The following C1QTNF3 variants were observed in gnomAD, a reference collection of about 807,000 sequenced individuals.
C1QTNF3 encodes the protein C1q and TNF related 3.
Under a neutral mutation model 32.6 loss-of-function variants are expected in C1QTNF3, and 26 were observed. The observed-to-expected ratio is 0.80, with a 90% CI of 0.58 to 1.11. The LOEUF is 1.11. Ranked by LOEUF, C1QTNF3 falls within the 50% of genes least tolerant of loss-of-function variation. The probability of loss-of-function intolerance (pLI) is 0.00; values close to 1 mark genes in which losing one functional copy is unlikely to be tolerated. For missense variants in C1QTNF3, 362 were observed against 398.2 expected, an observed-to-expected ratio of 0.91 and a Z score of 0.77; for synonymous variants, 155 against 146.0, an observed-to-expected ratio of 1.06 and a Z score of -0.44.
At chr5:34,143,072 A>G in the C1QTNF3 span, among the ~76,000 whole-genome samples, 1 of 152,222 alleles carries the variant, frequency 6.6e-6, no homozygotes, top group Non-Finnish European at 1.5e-5. Flanking sequence ...AAGATTAGTA[A>G]CTTTTTAAAG....
intron 1 of C1QTNF3, among the ~76,000 whole-genome samples, chr5:34,039,922 G>T (rs955944871): frequency 6.6e-6 from 1 of 152,202 alleles, no homozygotes; most frequent in African/African-American, 2.4e-5. Flanking sequence ...AGGGCACTTT[G>T]AGGGCACAGA....
the C1QTNF3 span, among the ~76,000 whole-genome samples, chr5:34,111,782 T>G: frequency 6.6e-6 from 1 of 152,242 alleles, no homozygotes; most frequent in African/African-American, 2.4e-5. Context: ...CAGCTATTAG[T>G]GTTGCCCTGG....
At chr5:34,158,887 T>A in the C1QTNF3 span, 1 of 152,074 alleles carries the variant, frequency 6.6e-6, no homozygotes, top group Non-Finnish European at 1.5e-5. Flanking sequence ...AATGTTCACC[T>A]CTTGACACTA....
At chr5:34,221,374 T>G in the C1QTNF3 span, among the ~76,000 whole-genome samples, 1 of 152,120 alleles carries the variant, frequency 6.6e-6, no homozygotes, top group Non-Finnish European at 1.5e-5. Context: ...TCATTTAATT[T>G]TATTGTGTAT....
chr5:34,137,118 C>T, the C1QTNF3 span, among the ~76,000 whole-genome samples: 1 of 148,486 alleles, frequency 6.7e-6, no homozygotes, highest in East Asian at 2.0e-4. Context: ...CCACGTTGTG[C>T]ACATGTACCC....
the C1QTNF3 span, among the ~76,000 whole-genome samples, chr5:34,052,479 GGACA>G: frequency 6.6e-6 from 1 of 152,310 alleles, no homozygotes; most frequent in Admixed American, 6.5e-5. Flanking sequence ...GCTAATGAAT[GGACA>G]GATAGATGGA....
chr5:34,083,304 A>C, the C1QTNF3 span, among the ~76,000 whole-genome samples: 1 of 151,674 alleles, frequency 6.6e-6, no homozygotes, highest in Non-Finnish European at 1.5e-5. Context: ...AAGGCGATTT[A>C]ATCCTGCCAT....
chr5:34,197,348 T>A, the C1QTNF3 span, among the ~76,000 whole-genome samples: 1 of 36,280 alleles, frequency 2.8e-5, no homozygotes. Flanking sequence ...CATGGTAAAG[T>A]ACGATACAAG....
At chr5:34,132,747 C>G in the C1QTNF3 span, among the ~76,000 whole-genome samples, 8 of 152,012 alleles carry the variant, frequency 5.3e-5, no homozygotes, top group Admixed American at 5.2e-4. Context: ...TTTGAAGAAG[C>G]AAAATTAGAG....
the C1QTNF3 span, among the ~76,000 whole-genome samples, chr5:34,098,641 A>T: frequency 2.0e-5 from 3 of 151,028 alleles, no homozygotes; most frequent in African/African-American, 7.3e-5. Context: ...AACTCTCACA[A>T]TCAGAGGAGG....
At chr5:34,061,919 T>G in the C1QTNF3 span, among the ~76,000 whole-genome samples, 16 of 152,228 alleles carry the variant, frequency 1.1e-4, no homozygotes, top group Non-Finnish European at 1.5e-4. Flanking sequence ...GGATTTCTCC[T>G]CAGAAAATGG....
At chr5:34,028,691 T>A in intron 4 of C1QTNF3, 63 bp downstream of exon 4, 1 of 1,388,268 alleles carries the variant, frequency 7.2e-7, no homozygotes, top group South Asian at 1.5e-5. Context: ...CTTTCCTTCC[T>A]TCCTTAATTG....
At chr5:34,024,086 C>A in intron 4 of C1QTNF3, 78 bp from the exon 5 acceptor site, 1 of 1,039,806 alleles carries the variant, frequency 9.6e-7, no homozygotes, top group Non-Finnish European at 1.5e-6. Flanking sequence ...GGAGATTTGC[C>A]AACTGCCTTC....
chr5:34,212,591 A>G, the C1QTNF3 span, among the ~76,000 whole-genome samples: 3 of 152,178 alleles, frequency 2.0e-5, no homozygotes, highest in South Asian at 4.2e-4. Context: ...AAAAGTTGGC[A>G]AAGGACATGA....
chr5:34,077,391 A>G, the C1QTNF3 span, among the ~76,000 whole-genome samples: 4 of 151,702 alleles, frequency 2.6e-5, no homozygotes, highest in African/African-American at 9.8e-5. Context: ...AAAACACATT[A>G]AACAACAACA....
chr5:34,047,232 G>A (rs1461602618), upstream of C1QTNF3, among the ~76,000 whole-genome samples: 1 of 152,232 alleles, frequency 6.6e-6, no homozygotes. Flanking sequence ...ACTGCATCCT[G>A]CCTGCCTTGG....
the C1QTNF3 span, among the ~76,000 whole-genome samples, chr5:34,146,546 G>C: frequency 6.6e-6 from 1 of 152,110 alleles, no homozygotes; most frequent in Admixed American, 6.5e-5. Flanking sequence ...CAACAAGGTG[G>C]ACAATAATAA....
chr5:34,020,516 C>A lies in C1QTNF3; in HGVS notation c.*67G>T. Reference sequence around the variant, plus strand: ...ATGTAAAACCCTCAACTTTAATGTTCCTCAGATCGTAACAAATCAGCTCAG... The same window carrying A: ...ATGTAAAACCCTCAACTTTAATGTTACTCAGATCGTAACAAATCAGCTCAG... On this transcript the variant is annotated 3_prime_UTR_variant, in exon 6 of 6. Transcript: ENST00000382065. 2 of 1,550,036 alleles carry A rather than the reference C, an allele frequency of 1.3e-6. No homozygotes were observed. The highest frequency in any genetic ancestry group is 1.4e-5 in the African/African-American group (1 of 73,300).
At chr5:34,088,213 A>T in the C1QTNF3 span, among the ~76,000 whole-genome samples, 1 of 152,110 alleles carries the variant, frequency 6.6e-6, no homozygotes, top group African/African-American at 2.4e-5. Flanking sequence ...CCCTTTCCAG[A>T]ATCTTACCTA....
Sources: gnomAD v4.1 joint callset for allele counts (sites outside exome capture counted in the v4.1 genomes callset) on GRCh38, gnomAD v4.1.1 for gene constraint, MANE v1.5 for transcripts, NCBI Gene and HGNC (gene_info 2026-07-23, HGNC 2026-07-21) for gene names.